Variants in PARD3 observed in about 807,000 individuals in gnomAD.
PARD3 encodes par-3 family cell polarity regulator, also known as partitioning defective 3 homolog.
PARD3 carries 75 observed loss-of-function variants against 155.4 expected under a neutral mutation model. The ratio of observed to expected loss-of-function variants is 0.48; its 90% CI spans 0.40 to 0.58. The LOEUF is 0.58. Ranked by LOEUF, PARD3 falls within the 20% of genes least tolerant of loss-of-function variation. PARD3 has a pLI of 0.00. For missense variants in PARD3, 1,642 were observed against 1,721.7 expected (o/e 0.95, Z 0.82); for synonymous variants, 576 against 610.5 (o/e 0.94, Z 0.83).
At chr10:34,546,303 G>A (rs2133929678) in intron 2 of PARD3, among the ~76,000 whole-genome samples, 1 of 152,078 alleles carries the variant, frequency 6.6e-6, no homozygotes, top group Admixed American at 6.5e-5. Flanking sequence ...GAATCACAAT[G>A]TCAGGGGTTC....
At chr10:34,631,786 C>T (rs1343114027) in intron 2 of PARD3, among the ~76,000 whole-genome samples, 2 of 152,082 alleles carry the variant, frequency 1.3e-5, no homozygotes, top group East Asian at 3.9e-4. Context: ...TCTGTAAAAA[C>T]GAGGTCTTAC....
At chr10:34,381,404 A>G (rs1841807165) in intron 9 of PARD3, among the ~76,000 whole-genome samples, 1 of 152,224 alleles carries the variant, frequency 6.6e-6, no homozygotes, top group South Asian at 2.1e-4. Flanking sequence ...CAAAATGCTC[A>G]GCTAAAATGG....
intron 7 of PARD3, among the ~76,000 whole-genome samples, chr10:34,395,331 A>G (rs1843214639): frequency 6.6e-6 from 1 of 152,020 alleles, no homozygotes; most frequent in African/African-American, 2.4e-5. Flanking sequence ...CACTGCGCCC[A>G]GCCGATGGTT....
At chr10:34,398,481 T>C (rs930456758) in intron 7 of PARD3, among the ~76,000 whole-genome samples, 4 of 151,942 alleles carry the variant, frequency 2.6e-5, no homozygotes, top group Admixed American at 2.6e-4. Flanking sequence ...GTGATAGCAA[T>C]AAAAGAAATA....
intron 1 of PARD3, among the ~76,000 whole-genome samples, chr10:34,731,808 G>A (rs1029252094): frequency 5.9e-5 from 9 of 152,100 alleles, no homozygotes; most frequent in African/African-American, 2.2e-4. Flanking sequence ...TCACAGGAAA[G>A]GCAAATGCTG....
At chr10:34,117,341 C>T (rs996245303) in intron 24 of PARD3, among the ~76,000 whole-genome samples, 1 of 152,216 alleles carries the variant, frequency 6.6e-6, no homozygotes, top group South Asian at 2.1e-4. Flanking sequence ...CTGGCCCACC[C>T]GTGTGGTCGT....
intron 2 of PARD3, among the ~76,000 whole-genome samples, chr10:34,567,212 G>C (rs1284341303): frequency 6.6e-6 from 1 of 152,150 alleles, no homozygotes. Context: ...AAATGATACT[G>C]AACAAAGTAC....
At chr10:34,701,673 T>A (rs1004883321) in intron 1 of PARD3, among the ~76,000 whole-genome samples, 3 of 151,910 alleles carry the variant, frequency 2.0e-5, no homozygotes, top group African/African-American at 7.3e-5. Flanking sequence ...GACAGGAGGA[T>A]CACTCAAGCC....
intron 5 of PARD3, among the ~76,000 whole-genome samples, chr10:34,448,917 T>C (rs894749431): frequency 1.4e-5 from 2 of 141,932 alleles, no homozygotes; most frequent in African/African-American, 3.1e-5. Flanking sequence ...GGATAAATTA[T>C]CTTTTTTTTT....
At chr10:34,718,572 T>C (rs1378309850) in intron 1 of PARD3, among the ~76,000 whole-genome samples, 1 of 152,128 alleles carries the variant, frequency 6.6e-6, no homozygotes, top group Non-Finnish European at 1.5e-5. Flanking sequence ...GGCTGGAGGA[T>C]TGCTTGAGCC....
At chr10:34,725,983 G>C (rs937507437) in intron 1 of PARD3, among the ~76,000 whole-genome samples, 4 of 152,134 alleles carry the variant, frequency 2.6e-5, no homozygotes, top group African/African-American at 4.8e-5. Context: ...CATGTCTTTA[G>C]AATGCCATTT....
intron 7 of PARD3, among the ~76,000 whole-genome samples, chr10:34,394,496 T>C (rs1843140530): frequency 6.6e-6 from 1 of 152,110 alleles, no homozygotes; most frequent in African/African-American, 2.4e-5. Context: ...CGGCTAACTT[T>C]TGTATTTTTT....
intron 1 of PARD3, among the ~76,000 whole-genome samples, chr10:34,764,724 G>C (rs940251105): frequency 6.6e-6 from 1 of 152,126 alleles, no homozygotes; most frequent in Non-Finnish European, 1.5e-5. Context: ...GGGAACTGTT[G>C]ACTGGAAAGA....
At chr10:34,801,754 T>G (rs1235318262) in intron 1 of PARD3, among the ~76,000 whole-genome samples, 1 of 152,202 alleles carries the variant, frequency 6.6e-6, no homozygotes, top group Non-Finnish European at 1.5e-5. Context: ...ATCACCATCT[T>G]AAGATGCCCA....
At chr10:34,730,993 T>C (rs912100273) in intron 1 of PARD3, among the ~76,000 whole-genome samples, 5 of 152,150 alleles carry the variant, frequency 3.3e-5, no homozygotes, top group African/African-American at 4.8e-5. Context: ...GTACACAACA[T>C]TGTGCCCCAA....
At chr10:34,375,053 AACACACACACACACACACAC>A (rs35263377) in intron 10 of PARD3, 51 bp from the exon 11 acceptor site, 21 of 783,536 alleles carry the variant, frequency 2.7e-5, no homozygotes, top group African/African-American at 1.1e-4. Flanking sequence ...ACAACAGGAA[AACACACACACACACACACAC>A]ACACACACAC....
chr10:34,612,681 G>A (rs1000927181), intron 2 of PARD3, among the ~76,000 whole-genome samples: 1 of 152,214 alleles, frequency 6.6e-6, no homozygotes, highest in East Asian at 1.9e-4. Flanking sequence ...GAGGTTTTAT[G>A]AGCTAATGGC....
At chr10:34,157,642 T>C (rs541975703) in intron 22 of PARD3, among the ~76,000 whole-genome samples, 1 of 152,298 alleles carries the variant, frequency 6.6e-6, no homozygotes, top group African/African-American at 2.4e-5. Context: ...TAAAACTGTT[T>C]TGTGTGTGAT....
intron 21 of PARD3, among the ~76,000 whole-genome samples, chr10:34,278,532 A>G (rs967709675): frequency 5.3e-5 from 8 of 152,120 alleles, no homozygotes; most frequent in African/African-American, 1.9e-4. Flanking sequence ...TAATTGAATC[A>G]TGGGGGCGGT....
Sources: allele counts gnomAD v4.1 joint callset (sites outside exome capture counted in the v4.1 genomes callset), GRCh38; gene constraint gnomAD v4.1.1; transcripts MANE v1.5; gene names NCBI Gene and HGNC (gene_info 2026-07-23, HGNC 2026-07-21).